Variants in THTPA observed in about 807,000 individuals in gnomAD.
THTPA encodes thiamine-triphosphatase.
Under a neutral mutation model 16.5 loss-of-function variants are expected in THTPA, and 16 were observed. The observed-to-expected ratio is 0.97, with a 90% confidence interval of 0.66 to 1.47. The LOEUF (loss-of-function observed/expected upper bound fraction) is 1.47. THTPA is among the 40% of genes most tolerant of loss of function. The pLI is 0.00. For synonymous variants in THTPA, 110 were observed against 115.5 expected, an observed-to-expected ratio of 0.95 and a Z score of 0.30; for missense variants, 281 against 280.9, an observed-to-expected ratio of 1.00 and a Z score of 0.00.
the THTPA span, chr14:23,522,044 G>A: frequency 6.5e-7 from 1 of 1,536,404 alleles, no homozygotes; most frequent in South Asian, 1.2e-5. Context: ...TTTGGCAAAA[G>A]CCACAGCAGC....
the THTPA span, chr14:23,529,602 G>T: frequency 8.8e-7 from 1 of 1,131,716 alleles, no homozygotes; most frequent in Non-Finnish European, 1.3e-6. Flanking sequence ...GCTATTCTGA[G>T]TGAAATAAGT....
At chr14:23,523,588 G>T in the THTPA span, 1 of 1,549,902 alleles carries the variant, frequency 6.5e-7, no homozygotes, top group Non-Finnish European at 8.7e-7. This position sits in a 1 kb window ranked among gnomAD's most constrained non-coding sequence, Gnocchi z 4.1. Flanking sequence ...TCTTTTCCTT[G>T]GCACGAGCAT....
chr14:23,523,867 G>A, the THTPA span: 1 of 1,536,186 alleles, frequency 6.5e-7, no homozygotes, highest in Admixed American at 2.0e-5. The surrounding 1 kb of genome is among the most constrained non-coding windows in gnomAD (Gnocchi z 4.1). Context: ...CTCCTGCAGA[G>A]AGACTGCAAG....
chr14:23,557,484 C>T lies in THTPA; in HGVS notation c.547+180C>T, dbSNP rs553560892. ...CTCCTGGACTCAAGCAATTTGCCTG[C>T]CTCGGCCTTCCAAAGTGCTGGGATT... On this transcript the variant is annotated intron_variant, in intron 1 of 1. Coordinates refer to ENST00000288014, the MANE Select transcript of THTPA (RefSeq NM_024328.6). Among the ~76,000 whole-genome samples, 214 of 152,264 alleles carry T rather than the reference C, an allele frequency of 1.4e-3. 2 individuals carry two copies. The highest frequency in any genetic ancestry group is 0.011 in the Admixed American group (170 of 15,296).
chr14:23,524,886 C>T, the THTPA span: 1 of 1,536,400 alleles, frequency 6.5e-7, no homozygotes, highest in Non-Finnish European at 8.7e-7. This position sits in a 1 kb window ranked among gnomAD's most constrained non-coding sequence, Gnocchi z 5.6. Flanking sequence ...AGGTGGCGCA[C>T]CAACTCAAAA....
chr14:23,513,851 A>G, the THTPA span: 1 of 152,438 alleles, frequency 6.6e-6, no homozygotes, highest in African/African-American at 2.4e-5. Context: ...GCTCTGAAAA[A>G]TGGTTGGAGT....
chr14:23,522,758 T>C, the THTPA span: 1 of 1,536,426 alleles, frequency 6.5e-7, no homozygotes. Context: ...ACTGGAGACC[T>C]TGTCCCCCAA....
the THTPA span, chr14:23,529,361 A>G: frequency 3.6e-6 from 1 of 275,276 alleles, no homozygotes; most frequent in Non-Finnish European, 7.0e-6. Context: ...TAACTAAGGG[A>G]TAAAGAGCTG....
At chr14:23,524,072 T>A in the THTPA span, 6 of 1,521,738 alleles carry the variant, frequency 3.9e-6, no homozygotes, top group Non-Finnish European at 4.4e-6. The surrounding 1 kb of genome is among the most constrained non-coding windows in gnomAD (Gnocchi z 5.6). Context: ...CTTTGGGGCT[T>A]CCCTCCCAGT....
chr14:23,526,833 G>A, the THTPA span: 4 of 1,525,840 alleles, frequency 2.6e-6, no homozygotes, highest in East Asian at 7.3e-5. Context: ...GAGGTTTGCT[G>A]TTCCATTCCT....
the THTPA span, chr14:23,529,825 A>G: frequency 6.7e-7 from 1 of 1,496,452 alleles, no homozygotes; most frequent in Non-Finnish European, 9.0e-7. Context: ...GATGATTTGT[A>G]GCAGAGAGCT....
the THTPA span, chr14:23,532,995 C>T: frequency 3.1e-5 from 48 of 1,536,022 alleles, no homozygotes; most frequent in Non-Finnish European, 3.8e-5. Flanking sequence ...AGGCTGTCGT[C>T]TGGGGGTGGT....
chr14:23,552,071 G>A (rs1339015461), upstream of THTPA, among the ~76,000 whole-genome samples: 1 of 152,032 alleles, frequency 6.6e-6, no homozygotes, highest in South Asian at 2.1e-4. Context: ...GCCGCCCAAG[G>A]CCTCCTTTTT....
rs200150646 is a variant in THTPA, at chr14:23,556,943, G to A, written c.186G>A (p.Trp62Ter). Residue 62 changes from tryptophan (W) to a stop codon, truncating the protein, a stop_gained, in exon 1 of 2, where the codon TGG becomes TGA. Coordinates refer to ENST00000288014, the MANE Select transcript of THTPA (RefSeq NM_024328.6). LOFTEE classifies it high-confidence loss of function. The stretch of plus-strand genomic sequence containing the variant: ...TGCGACGACGAGAGGATAGTGGATG[G>A]GAGCTCAAATGTCCTGGAGCAGCAG... ...HWLRRREDSGWELKCPGAAGV... is the reference protein window; with the variant it reads ...HWLRRREDSG The A allele has an allele frequency of 1.2e-6, 2 of 1,614,140 alleles. No homozygotes were observed. Among genetic ancestry groups the A allele is most frequent in the South Asian group, 1.1e-5 (1 of 91,082 alleles).
chr14:23,517,999 T>A, the THTPA span, among the ~76,000 whole-genome samples: 2 of 152,236 alleles, frequency 1.3e-5, no homozygotes, highest in Non-Finnish European at 2.9e-5. Context: ...GTGAGAAAAA[T>A]TAGCGTGTGT....
upstream of THTPA, among the ~76,000 whole-genome samples, chr14:23,551,827 G>A (rs1225830916): frequency 6.6e-6 from 1 of 152,092 alleles, no homozygotes; most frequent in Non-Finnish European, 1.5e-5. The surrounding 1 kb of genome is among the most constrained non-coding windows in gnomAD (Gnocchi z 5.3). Flanking sequence ...GCCCGCCGCG[G>A]CGCATGCCGG....
At chr14:23,555,095 C>A (rs1882252715), upstream of THTPA, among the ~76,000 whole-genome samples, 1 of 152,180 alleles carries the variant, frequency 6.6e-6, no homozygotes, top group Non-Finnish European at 1.5e-5. Context: ...TCAAGCAATT[C>A]TCATGCCTCA....
At chr14:23,532,633 G>T in the THTPA span, 1 of 1,468,278 alleles carries the variant, frequency 6.8e-7, no homozygotes, top group South Asian at 1.4e-5. Flanking sequence ...TCTCCTTGCT[G>T]TTGGACTCAA....
upstream of THTPA, among the ~76,000 whole-genome samples, chr14:23,553,095 G>A (rs79722534): frequency 0.014 from 2,174 of 152,296 alleles, 31 homozygotes; most frequent in Non-Finnish European, 0.024. Flanking sequence ...CAATAAGTAA[G>A]TGACAGTGCC....
Sources: gnomAD v4.1 joint callset for allele counts (sites outside exome capture counted in the v4.1 genomes callset) on GRCh38, gnomAD v4.1.1 for gene constraint, Gnocchi (gnomAD v3.1) non-coding constraint, MANE v1.5 for transcripts, NCBI Gene and HGNC (gene_info 2026-07-23, HGNC 2026-07-21) for gene names.